The following RARB variants were observed in gnomAD, a reference collection of about 807,000 sequenced individuals.
The protein encoded by RARB is HBV-activated protein.
A neutral mutation model predicts 51.9 loss-of-function variants in RARB; 17 were observed. The observed-to-expected ratio is 0.33, with a 90% CI of 0.22 to 0.49. The LOEUF is 0.49. RARB is among the 20% of genes least tolerant of loss of function. The probability of loss-of-function intolerance (pLI) is 0.99; values close to 1 mark genes in which losing one functional copy is unlikely to be tolerated. For synonymous variants in RARB, 215 were observed against 195.4 expected (o/e 1.10, Z -0.84); for missense variants, 369 against 550.8 (o/e 0.67, Z 3.30).
At chr3:24,881,834 T>G (rs1268685533) in intron 2 of RARB, among the ~76,000 whole-genome samples, 1 of 152,180 alleles carries the variant, frequency 6.6e-6, no homozygotes, top group Non-Finnish European at 1.5e-5. Flanking sequence ...AAATTGATCA[T>G]TTTTTGAACT....
chr3:25,594,378 G>C, intron 6 of RARB, 142 bp from the exon 7 acceptor site: 1 of 858,120 alleles, frequency 1.2e-6, no homozygotes. Flanking sequence ...ACTGCTTAAA[G>C]CAACTGCATA....
chr3:24,960,286 G>A (rs1214968325), intron 2 of RARB, among the ~76,000 whole-genome samples: 1 of 141,184 alleles, frequency 7.1e-6, no homozygotes, highest in Admixed American at 7.4e-5. Context: ...TGAAATTGGT[G>A]TATTCTATGA....
At chr3:24,978,027 G>T (rs1471092363) in intron 2 of RARB, among the ~76,000 whole-genome samples, 1 of 151,328 alleles carries the variant, frequency 6.6e-6, no homozygotes, top group Non-Finnish European at 1.5e-5. Context: ...GATTTTTGTT[G>T]GTTCTGTTTA....
At chr3:25,059,582 G>A (rs991472976) in intron 2 of RARB, among the ~76,000 whole-genome samples, 1 of 151,748 alleles carries the variant, frequency 6.6e-6, no homozygotes, top group Non-Finnish European at 1.5e-5. Context: ...GATTTGTGAT[G>A]CTGCTTTAAA....
chr3:25,129,388 C>A (rs1017187551), intron 3 of RARB, among the ~76,000 whole-genome samples: 1 of 151,964 alleles, frequency 6.6e-6, no homozygotes, highest in Non-Finnish European at 1.5e-5. Flanking sequence ...TTCAGGTTTC[C>A]TGAGCTTCCT....
intron 3 of RARB, among the ~76,000 whole-genome samples, chr3:25,527,744 T>G (rs1404980887): frequency 6.6e-6 from 1 of 152,224 alleles, no homozygotes; most frequent in African/African-American, 2.4e-5. Flanking sequence ...CTAACAAACC[T>G]AAATGTGATT....
At chr3:25,243,557 T>C (rs185702374) in intron 5 of RARB, among the ~76,000 whole-genome samples, 43 of 152,336 alleles carry the variant, frequency 2.8e-4, no homozygotes, top group African/African-American at 9.6e-4. Context: ...TCTGCATCTG[T>C]TGAGATAATC....
intron 5 of RARB, among the ~76,000 whole-genome samples, chr3:25,241,337 A>C (rs895427104): frequency 6.6e-6 from 1 of 152,168 alleles, no homozygotes; most frequent in Non-Finnish European, 1.5e-5. Flanking sequence ...ATTATACTTT[A>C]AGTTCTGGGA....
At chr3:25,309,610 G>T (rs1342938088) in intron 5 of RARB, among the ~76,000 whole-genome samples, 1 of 143,764 alleles carries the variant, frequency 7.0e-6, no homozygotes, top group Admixed American at 7.4e-5. Context: ...CAATTCACCT[G>T]CCTCAACCTC....
At chr3:25,489,491 T>A (rs540325245) in intron 2 of RARB, among the ~76,000 whole-genome samples, 191 of 152,358 alleles carry the variant, frequency 1.3e-3, no homozygotes, top group Non-Finnish European at 2.2e-3. Context: ...AATATCCATA[T>A]GATATTATTC....
At chr3:25,452,830 C>A (rs1709254493) in intron 1 of RARB, among the ~76,000 whole-genome samples, 1 of 152,164 alleles carries the variant, frequency 6.6e-6, no homozygotes, top group South Asian at 2.1e-4. Context: ...CTATTAAGCA[C>A]TTTGCATGGT....
intron 4 of RARB, among the ~76,000 whole-genome samples, chr3:25,139,726 C>A (rs896369181): frequency 6.6e-6 from 1 of 152,084 alleles, no homozygotes; most frequent in Non-Finnish European, 1.5e-5. Context: ...GAGGAAACAA[C>A]CTTATATTGG....
At chr3:24,833,131 A>ACGTCAG (rs1415217669) in intron 1 of RARB, 2 of 152,262 alleles carry the variant, frequency 1.3e-5, no homozygotes, top group African/African-American at 4.8e-5. Flanking sequence ...ACTTCTCTTG[A>ACGTCAG]CGTCAGCAGT....
At chr3:25,135,030 G>A (rs1051006621) in intron 4 of RARB, among the ~76,000 whole-genome samples, 1 of 150,724 alleles carries the variant, frequency 6.6e-6, no homozygotes, top group African/African-American at 2.4e-5. Context: ...GGTCCTTTAG[G>A]TCCCATCATT....
rs1425106438 is a variant in RARB, at chr3:25,130,929, CATTGATAATATCAATATTTATT to C, written c.-327-1220_-327-1199del. On this transcript the variant is annotated intron_variant, in intron 3 of 11. Transcript: ENST00000383772. ...TATTGATAATATTATCAATATTTAT[CATTGATAATATCAATATTTATT>C]ATTGATAATATTATCAATATTTATT... Among the ~76,000 whole-genome samples, 200 of 29,854 alleles carry C rather than the reference CATTGATAATATCAATATTTATT, an allele frequency of 6.7e-3. 2 individuals carry two copies. The highest frequency in any genetic ancestry group is 0.017 in the African/African-American group (138 of 8,114). The allele number at this position is 29,854 out of a possible 152,430, so 19.6% of individuals were successfully genotyped here. A position where few individuals can be genotyped will look rare whatever the true frequency, so the allele number is the denominator to read the frequency against.
At chr3:25,568,526 C>G (rs1271033385) in intron 3 of RARB, among the ~76,000 whole-genome samples, 1 of 152,056 alleles carries the variant, frequency 6.6e-6, no homozygotes, top group Non-Finnish European at 1.5e-5. Flanking sequence ...CCCTTCTCAC[C>G]CCTTGCTCTT....
intron 3 of RARB, among the ~76,000 whole-genome samples, chr3:25,106,816 C>T: frequency 6.6e-6 from 1 of 152,036 alleles, no homozygotes; most frequent in East Asian, 1.9e-4. Context: ...TACTGTGATT[C>T]TTCAGCGGGT....
chr3:25,187,467 CAT>C (rs1178808618), intron 5 of RARB, among the ~76,000 whole-genome samples: 15 of 151,566 alleles, frequency 9.9e-5, no homozygotes, highest in African/African-American at 3.6e-4. Flanking sequence ...TTGCCATATG[CAT>C]ATATGTTACA....
intron 5 of RARB, among the ~76,000 whole-genome samples, chr3:25,346,682 G>A (rs79871826): frequency 0.04 from 6,161 of 152,216 alleles, 164 homozygotes; most frequent in Middle Eastern, 0.061. Context: ...TGCTGCCTCC[G>A]TCAACACAGG....
Sources: allele counts gnomAD v4.1 joint callset (sites outside exome capture counted in the v4.1 genomes callset), GRCh38; gene constraint gnomAD v4.1.1; transcripts MANE v1.5; gene names NCBI Gene and HGNC (gene_info 2026-07-23, HGNC 2026-07-21).